The following RANBP17 variants were observed in gnomAD, a reference collection of about 807,000 sequenced individuals.
RANBP17 encodes the protein ran-binding protein 17.
Under a neutral mutation model 141.2 loss-of-function variants are expected in RANBP17, and 158 were observed. The ratio of observed to expected loss-of-function variants is 1.12; its 90% CI spans 0.98 to 1.28. The LOEUF (loss-of-function observed/expected upper bound fraction) is 1.28, where lower values mean the gene tolerates loss of function less well. Ranked by LOEUF, RANBP17 falls within the 50% of genes most tolerant of loss-of-function variation. The pLI is 0.00. For synonymous variants in RANBP17, 430 were observed against 450.0 expected, an observed-to-expected ratio of 0.96 and a Z score of 0.56; for missense variants, 1,438 against 1,290.7, an observed-to-expected ratio of 1.11 and a Z score of -1.75.
intron 5 of RANBP17, chr5:170,896,946 C>T (rs771455652): frequency 7.6e-6 from 6 of 790,686 alleles, no homozygotes; most frequent in Non-Finnish European, 1.3e-5. Flanking sequence ...AGTTGGTGGT[C>T]ATACTGGTTG....
intron 14 of RANBP17, among the ~76,000 whole-genome samples, chr5:171,148,608 A>G (rs1024445536): frequency 2.0e-5 from 3 of 150,334 alleles, no homozygotes; most frequent in South Asian, 2.1e-4. Flanking sequence ...TGATATATAT[A>G]TATATATAGA....
At chr5:170,960,024 A>T (rs1340036880) in intron 13 of RANBP17, among the ~76,000 whole-genome samples, 1 of 151,642 alleles carries the variant, frequency 6.6e-6, no homozygotes, top group Non-Finnish European at 1.5e-5. Flanking sequence ...GGCTCCTCTG[A>T]CCTCCCTATC....
intron 14 of RANBP17, among the ~76,000 whole-genome samples, chr5:171,117,829 T>TTTG (rs57307801): frequency 0.66 from 96,597 of 147,426 alleles, 32,557 homozygotes; most frequent in South Asian, 0.87. Flanking sequence ...TATGTGGGGT[T>TTTG]TTGTTGTTGT....
chr5:170,905,173 C>T (rs1418921988), intron 5 of RANBP17, among the ~76,000 whole-genome samples: 1 of 152,088 alleles, frequency 6.6e-6, no homozygotes, highest in African/African-American at 2.4e-5. Flanking sequence ...CTGTACTTCT[C>T]CCCAACAGTG....
At chr5:171,191,065 AAAG>A (rs1761598732) in intron 18 of RANBP17, among the ~76,000 whole-genome samples, 1 of 152,228 alleles carries the variant, frequency 6.6e-6, no homozygotes, top group Non-Finnish European at 1.5e-5. Flanking sequence ...TTATGGATGT[AAAG>A]AGATAGTTCT....
At chr5:170,916,621 A>G in intron 9 of RANBP17, 37 bp downstream of exon 9, 1 of 1,371,698 alleles carries the variant, frequency 7.3e-7, no homozygotes, top group Non-Finnish European at 9.8e-7. Context: ...GCATATAGAG[A>G]TACAGTTTTT....
chr5:171,000,972 C>T (rs534498429), intron 14 of RANBP17, among the ~76,000 whole-genome samples: 43 of 152,156 alleles, frequency 2.8e-4, no homozygotes, highest in Admixed American at 1.8e-3. Context: ...TGCTTCAGGC[C>T]GTCCGGATGT....
chr5:171,242,601 T>G, intron 23 of RANBP17, 81 bp from the exon 24 acceptor site: 2 of 1,443,152 alleles, frequency 1.4e-6, no homozygotes, highest in South Asian at 2.4e-5. Context: ...TTTCCAGTAT[T>G]ATAAATGACA....
chr5:170,942,222 C>A (rs113765389), intron 12 of RANBP17, among the ~76,000 whole-genome samples: 1 of 152,066 alleles, frequency 6.6e-6, no homozygotes. Flanking sequence ...CTCCCCAGTC[C>A]GTGGAAAAAT....
At chr5:171,203,228 A>AT (rs1237222586) in intron 19 of RANBP17, among the ~76,000 whole-genome samples, 2 of 152,226 alleles carry the variant, frequency 1.3e-5, no homozygotes, top group African/African-American at 2.4e-5. Context: ...ATTTTAAATG[A>AT]GATGGTAAAC....
At chr5:171,025,585 C>A (rs78893258) in intron 14 of RANBP17, among the ~76,000 whole-genome samples, 2 of 137,272 alleles carry the variant, frequency 1.5e-5, no homozygotes, top group Non-Finnish European at 3.2e-5. Context: ...TTCTTTTTTT[C>A]TTTTTTTTTT....
At chr5:171,211,121 C>T (rs1762855613) in intron 20 of RANBP17, among the ~76,000 whole-genome samples, 1 of 151,074 alleles carries the variant, frequency 6.6e-6, no homozygotes, top group African/African-American at 2.4e-5. Context: ...TCCATAGAAA[C>T]AAAACAGTAA....
intron 14 of RANBP17, among the ~76,000 whole-genome samples, chr5:171,027,646 A>G (rs1321365611): frequency 2.6e-5 from 4 of 151,986 alleles, no homozygotes; most frequent in Non-Finnish European, 4.4e-5. Context: ...ATAACAATTC[A>G]TAATAATTGT....
At chr5:171,018,474 C>T (rs114744626) in intron 14 of RANBP17, among the ~76,000 whole-genome samples, 6,026 of 152,154 alleles carry the variant, frequency 0.04, 163 homozygotes, top group Non-Finnish European at 0.061. Flanking sequence ...GTCCTTACAT[C>T]CCTTGTTAGC....
intron 14 of RANBP17, among the ~76,000 whole-genome samples, chr5:171,067,742 A>G (rs1157045579): frequency 1.3e-5 from 2 of 152,094 alleles, no homozygotes; most frequent in African/African-American, 4.8e-5. Flanking sequence ...TTTTCTGATG[A>G]GAAACCTGCT....
chr5:170,963,682 A>T (rs897066920), intron 13 of RANBP17, among the ~76,000 whole-genome samples: 2 of 152,184 alleles, frequency 1.3e-5, no homozygotes, highest in Non-Finnish European at 2.9e-5. Context: ...CTAGTGCTGC[A>T]GCTGATCTGA....
At chr5:171,063,785 G>A (rs1037739350) in intron 14 of RANBP17, among the ~76,000 whole-genome samples, 13 of 152,210 alleles carry the variant, frequency 8.5e-5, no homozygotes, top group African/African-American at 1.2e-4. Flanking sequence ...ACAGAGGCAG[G>A]CAGGCTTCCT....
At chr5:171,090,246 A>T (rs1206795262) in intron 14 of RANBP17, among the ~76,000 whole-genome samples, 1 of 152,154 alleles carries the variant, frequency 6.6e-6, no homozygotes, top group East Asian at 1.9e-4. Flanking sequence ...TCAGATGGAG[A>T]TGAGGAACTT....
At chr5:171,154,573 C>T (rs1758723502) in intron 14 of RANBP17, among the ~76,000 whole-genome samples, 1 of 152,138 alleles carries the variant, frequency 6.6e-6, no homozygotes, top group African/African-American at 2.4e-5. Flanking sequence ...AGCTACTATG[C>T]CCAGCCAAGA....
Sources: gnomAD v4.1 joint callset for allele counts (sites outside exome capture counted in the v4.1 genomes callset) on GRCh38, gnomAD v4.1.1 for gene constraint, MANE v1.5 for transcripts, NCBI Gene and HGNC (gene_info 2026-07-23, HGNC 2026-07-21) for gene names.